PHKA1: variants seen among roughly 807,000 people sequenced by gnomAD.
PHKA1 encodes phosphorylase b kinase regulatory subunit alpha, skeletal muscle isoform.
PHKA1 carries 60 observed loss-of-function variants against 110.2 expected under a neutral mutation model. That is an observed-to-expected ratio of 0.54 (90% confidence interval 0.44 to 0.68). The LOEUF (loss-of-function observed/expected upper bound fraction) is 0.68. Among genes scored for constraint, PHKA1 ranks in the 30% least tolerant of loss-of-function variants. The pLI is 0.00. For missense variants in PHKA1, 801 were observed against 942.5 expected (o/e 0.85, Z 1.97); for synonymous variants, 316 against 333.6 (o/e 0.95, Z 0.58).
At chrX:72,594,690 C>T (rs1281555070) in intron 28 of PHKA1, among the ~76,000 whole-genome samples, 1 of 112,499 alleles carries the variant, frequency 8.9e-6, no homozygotes, top group African/African-American at 3.2e-5. Flanking sequence ...ATGGCTTGTG[C>T]CTGTATTCCC....
chrX:72,597,054 C>T (rs1487808434), intron 28 of PHKA1, among the ~76,000 whole-genome samples: 1 of 112,015 alleles, frequency 8.9e-6, no homozygotes, highest in Non-Finnish European at 1.9e-5. Flanking sequence ...CAGTGACATC[C>T]ACATGCAAAA....
chrX:72,635,126 A>G, intron 16 of PHKA1, 29 bp downstream of exon 16: 1 of 1,209,519 alleles, frequency 8.3e-7, no homozygotes, highest in Non-Finnish European at 1.1e-6. Context: ...TCCAAAATAC[A>G]TTCGTTCCTT....
At chrX:72,633,301 G>A (rs182947114) in intron 16 of PHKA1, among the ~76,000 whole-genome samples, 1 of 110,848 alleles carries the variant, frequency 9.0e-6, no homozygotes, top group East Asian at 2.8e-4. Context: ...TTATAAAAGG[G>A]CTTAAGAGAG....
intron 29 of PHKA1, among the ~76,000 whole-genome samples, chrX:72,589,070 C>T (rs1173203095): frequency 1.8e-5 from 2 of 111,629 alleles, no homozygotes; most frequent in African/African-American, 6.5e-5. Context: ...CTCTCTAATT[C>T]AGTTTATGAG....
chrX:72,652,498 G>A lies in PHKA1; in HGVS notation c.1245+46C>T, dbSNP rs375284081. On this transcript the variant is annotated intron_variant, in intron 12 of 31. Coordinates refer to ENST00000373542, the MANE Select transcript of PHKA1 (RefSeq NM_002637.4). ...TACTTAAAAATCTGATTATTATGGTGACTTAAGGCAGAAAAAAGTGGGACA... is the reference window on the plus strand; with the variant it reads ...TACTTAAAAATCTGATTATTATGGTAACTTAAGGCAGAAAAAAGTGGGACA... 4.3e-6 allele frequency: 3 copies of A among 704,022 alleles called. No homozygotes were observed. In the African/African-American group the frequency reaches 6.3e-5, roughly 15 times the overall value. The allele number at this position is 704,022 out of a possible 1,213,427, so 58.0% of individuals were successfully genotyped here.
At chrX:72,593,922 G>A (rs782493163) in intron 28 of PHKA1, among the ~76,000 whole-genome samples, 4 of 111,993 alleles carry the variant, frequency 3.6e-5, no homozygotes, top group Non-Finnish European at 5.6e-5. Context: ...GCCCTCATGG[G>A]CCATAAGATG....
At chrX:72,629,592 G>C (rs1386323735) in intron 16 of PHKA1, among the ~76,000 whole-genome samples, 3 of 110,958 alleles carry the variant, frequency 2.7e-5, no homozygotes, top group Non-Finnish European at 5.7e-5. Context: ...TTCAGTCTAC[G>C]TATATTGTGA....
chrX:72,647,566 T>C (rs1556297531), intron 13 of PHKA1, among the ~76,000 whole-genome samples: 2 of 111,569 alleles, frequency 1.8e-5, no homozygotes, highest in African/African-American at 6.5e-5. Flanking sequence ...ACTTAGAATA[T>C]AACCTTGGAA....
chrX:72,616,900 C>T (rs1225035381), intron 21 of PHKA1, among the ~76,000 whole-genome samples: 9 of 111,658 alleles, frequency 8.1e-5, no homozygotes, highest in Admixed American at 7.6e-4. Context: ...TCCTAAACAA[C>T]CAAGGGGTCA....
intron 6 of PHKA1, among the ~76,000 whole-genome samples, chrX:72,674,481 T>A (rs1489120678): frequency 3.6e-5 from 4 of 111,762 alleles, no homozygotes; most frequent in Non-Finnish European, 7.5e-5. Flanking sequence ...GTTTCCTGAC[T>A]TTTTAATGAT....
intron 9 of PHKA1, among the ~76,000 whole-genome samples, chrX:72,656,971 A>G (rs935822338): frequency 8.9e-6 from 1 of 111,891 alleles, no homozygotes; most frequent in Non-Finnish European, 1.9e-5. Context: ...TTTGAGCTCG[A>G]TGATTTAAAA....
chrX:72,625,132 G>A (rs1556281981), intron 17 of PHKA1, among the ~76,000 whole-genome samples: 2 of 111,381 alleles, frequency 1.8e-5, no homozygotes, highest in Admixed American at 9.5e-5. Context: ...AGGCTCAGGG[G>A]TACATGTGCA....
Position 72,684,564 on chromosome X carries a change from G to A in PHKA1, c.471C>T (p.His157=), listed in dbSNP as rs782332059. 1 of 1,166,546 alleles carries A rather than the reference G, an allele frequency of 8.6e-7. No individual in the cohort carries two copies. The highest frequency in any genetic ancestry group is 1.8e-5 in the South Asian group (1 of 55,749). ...QMTASGLHII[H]SLDEVNFIQN... ...GTATGAAATTGACTTCATCTAGGCTGTGGATGATATGGAGTCCTGAGGAAA... is the reference window on the plus strand; with the variant it reads ...GTATGAAATTGACTTCATCTAGGCTATGGATGATATGGAGTCCTGAGGAAA... The change falls in exon 5 of 32, where the codon CAC becomes CAT. Residue 157 remains histidine, a synonymous_variant. Transcript: ENST00000373542.
chrX:72,710,539 A>C (rs1286431806), intron 2 of PHKA1, among the ~76,000 whole-genome samples: 3 of 112,238 alleles, frequency 2.7e-5, no homozygotes, highest in Non-Finnish European at 5.6e-5. Flanking sequence ...TCCTTGATTA[A>C]CACTGAATCA....
At chrX:72,657,229 T>C (rs2053506939) in intron 9 of PHKA1, among the ~76,000 whole-genome samples, 1 of 112,254 alleles carries the variant, frequency 8.9e-6, no homozygotes, top group Admixed American at 9.4e-5. Context: ...ATGGAAAGAT[T>C]TTTCCCTTTG....
chrX:72,628,758 T>C (rs868914059), intron 16 of PHKA1, among the ~76,000 whole-genome samples: 47 of 107,581 alleles, frequency 4.4e-4, no homozygotes, highest in African/African-American at 1.5e-3. Context: ...CCTGGCTGTA[T>C]TTTTAGTAGA....
intron 6 of PHKA1, among the ~76,000 whole-genome samples, chrX:72,674,268 T>C (rs1258052409): frequency 4.5e-5 from 5 of 110,424 alleles, no homozygotes; most frequent in East Asian, 2.8e-4. Flanking sequence ...AATAAACATA[T>C]GTGTGCATGT....
At chrX:72,678,911 T>C (rs1931575970) in intron 5 of PHKA1, among the ~76,000 whole-genome samples, 1 of 111,826 alleles carries the variant, frequency 8.9e-6, no homozygotes, top group Non-Finnish European at 1.9e-5. Context: ...GCAGACTCCC[T>C]GAGTTGAGGA....
In PHKA1 at chrX:72,695,766, G is replaced by C. The variant is rs782344089; in HGVS notation, c.396C>G (p.His132Gln). 1 of 1,205,751 alleles carries C rather than the reference G, an allele frequency of 8.3e-7. No homozygotes were observed. Among genetic ancestry groups the C allele is most frequent in the African/African-American group, 1.8e-5 (1 of 56,809 alleles). Residue 132 changes from histidine (H) to glutamine (Q), a missense_variant, in exon 4 of 32, where the codon CAC becomes CAG. By Grantham distance (24) the His-to-Gln change is conservative. Around this residue, in one of 2 missense-constraint regions of PHKA1, gnomAD observed 299 missense variants for 423.3 expected, o/e 0.71. Coordinates refer to ENST00000373542, the MANE Select transcript of PHKA1 (RefSeq NM_002637.4). The part of the protein sequence containing the change: ...ATVVGDDQWG[H>Q]LQLDATSVYL... ...ACACAGAGGTAGCATCCAACTGCAGGTGTCCCCATTGATCATCACCCACTA... is the reference window on the plus strand; with the variant it reads ...ACACAGAGGTAGCATCCAACTGCAGCTGTCCCCATTGATCATCACCCACTA...
Sources: allele counts gnomAD v4.1 joint callset (sites outside exome capture counted in the v4.1 genomes callset), GRCh38; gene constraint gnomAD v4.1.1; regional missense constraint gnomAD v4.1.1; transcripts MANE v1.5; gene names NCBI Gene and HGNC (gene_info 2026-07-23, HGNC 2026-07-21).